The following WDR48 variants were observed in gnomAD, a reference collection of about 807,000 sequenced individuals.
WDR48 encodes WD repeat-containing protein 48.
Under a neutral mutation model 94.0 loss-of-function variants are expected in WDR48, and 22 were observed. The observed-to-expected ratio is 0.23, with a 90% CI of 0.17 to 0.33. The LOEUF is 0.33. Ranked by LOEUF, WDR48 falls within the 10% of genes least tolerant of loss-of-function variation. WDR48 has a pLI of 1.00. For synonymous variants in WDR48, 278 were observed against 280.5 expected (o/e 0.99, Z 0.09); for missense variants, 541 against 813.8 (o/e 0.66, Z 4.08).
chr3:39,091,805 G>A (rs905362631), intron 17 of WDR48, 104 bp downstream of exon 17: 10 of 973,834 alleles, frequency 1.0e-5, no homozygotes, highest in Non-Finnish European at 1.5e-5. Context: ...ATCTAAGGCT[G>A]ATTTTATAAT....
Position 39,095,725 on chromosome 3 carries a change from G to T in WDR48, c.*982G>T, listed in dbSNP as rs2035304495. 1 of 152,634 alleles carries T rather than the reference G, an allele frequency of 6.6e-6. No homozygotes were observed. Among genetic ancestry groups the T allele is most frequent in the African/African-American group, 2.4e-5 (1 of 41,568 alleles). The allele number at this position is 152,634 out of a possible 1,614,324, so 9.5% of individuals were successfully genotyped here. ...TATTTGTTTTTCCAAAGTTTTATAT[G>T]CAGGTTTTTGTTGTACCTGTATCCA... is the stretch of plus-strand genomic sequence containing the variant. On this transcript the variant is annotated 3_prime_UTR_variant, in exon 19 of 19. Transcript: ENST00000302313.
At chr3:39,093,428 A>G (rs923191279) in intron 17 of WDR48, among the ~76,000 whole-genome samples, 1 of 152,166 alleles carries the variant, frequency 6.6e-6, no homozygotes, top group Non-Finnish European at 1.5e-5. Context: ...GCAGTGGCGT[A>G]TCTTGGCTCA....
intron 7 of WDR48, among the ~76,000 whole-genome samples, chr3:39,071,569 A>G (rs953711035): frequency 2.0e-5 from 3 of 152,244 alleles, no homozygotes; most frequent in Non-Finnish European, 4.4e-5. Context: ...TCTATAAAAG[A>G]TGATTTAAGT....
intron 11 of WDR48, among the ~76,000 whole-genome samples, chr3:39,083,527 A>T (rs184165423): frequency 2.1e-4 from 32 of 152,226 alleles, no homozygotes; most frequent in African/African-American, 7.5e-4. Context: ...AGTTAAGGGG[A>T]TTCTGTCAAG....
intron 1 of WDR48, among the ~76,000 whole-genome samples, chr3:39,061,119 CTTCAAG>C (rs1417636270): frequency 1.3e-5 from 2 of 152,066 alleles, no homozygotes; most frequent in African/African-American, 4.8e-5. Context: ...AATTATTATA[CTTCAAG>C]TTCTAGGGTA....
chr3:39,076,485 T>C (rs1482612763), intron 8 of WDR48, among the ~76,000 whole-genome samples: 3 of 152,344 alleles, frequency 2.0e-5, no homozygotes, highest in Non-Finnish European at 2.9e-5. Flanking sequence ...TTATATGTTA[T>C]AAGGAATATC....
chr3:39,072,454 C>T (rs2033993617), intron 7 of WDR48, among the ~76,000 whole-genome samples: 1 of 152,182 alleles, frequency 6.6e-6, no homozygotes, highest in Non-Finnish European at 1.5e-5. Flanking sequence ...ATTGCCCCAG[C>T]TTATGTCGTC....
At chr3:39,069,227 G>A (rs2033790313) in intron 6 of WDR48, among the ~76,000 whole-genome samples, 1 of 152,158 alleles carries the variant, frequency 6.6e-6, no homozygotes. Flanking sequence ...CACCTGCCTT[G>A]GCCTCCCAGA....
intron 17 of WDR48, among the ~76,000 whole-genome samples, chr3:39,092,894 C>G (rs1230876125): frequency 6.6e-6 from 1 of 151,966 alleles, no homozygotes; most frequent in Non-Finnish European, 1.5e-5. Context: ...CACACACACA[C>G]ACACACACAC....
rs545127361 is a variant in WDR48, at chr3:39,052,206, C to T, written c.48+133C>T. On this transcript the variant is annotated intron_variant, in intron 1 of 18. Coordinates refer to ENST00000302313, the MANE Select transcript of WDR48 (RefSeq NM_020839.4). ...GAACGGGGCGGGGCGCGGCCGGCCA[C>T]GAGGGGTGGGGCCGCGGCGCTAACG... The T allele has an allele frequency of 5.3e-4, 586 of 1,101,028 alleles. 3 individuals are homozygous for T. The highest frequency in any genetic ancestry group is 1.3e-3 in the Admixed American group (50 of 39,586). 68.2% of individuals were successfully genotyped at this position (1,101,028 alleles called of 1,614,324 possible).
intron 7 of WDR48, among the ~76,000 whole-genome samples, chr3:39,071,477 G>T (rs2033931480): frequency 6.6e-6 from 1 of 152,174 alleles, no homozygotes; most frequent in Admixed American, 6.5e-5. Flanking sequence ...TCCAGAAGGG[G>T]GCTATGGGCC....
intron 16 of WDR48, chr3:39,091,186 T>C (rs1444643293): frequency 6.5e-6 from 1 of 153,278 alleles, no homozygotes; most frequent in Non-Finnish European, 1.5e-5. Flanking sequence ...AGGACTTTGA[T>C]TGGCCTTTTC....
intron 2 of WDR48, among the ~76,000 whole-genome samples, chr3:39,065,512 A>G (rs112501654): frequency 6.6e-6 from 1 of 151,886 alleles, no homozygotes; most frequent in African/African-American, 2.4e-5. Flanking sequence ...TTTATGTCAC[A>G]CACAGTGCCT....
intron 9 of WDR48, 114 bp downstream of exon 9, chr3:39,077,327 C>A: frequency 9.0e-7 from 1 of 1,110,914 alleles, no homozygotes; most frequent in Non-Finnish European, 1.3e-6. Flanking sequence ...TGCTTTTGGG[C>A]AGGGGCAAAA....
At chr3:39,061,252 C>T (rs1448497603) in intron 1 of WDR48, among the ~76,000 whole-genome samples, 1 of 151,230 alleles carries the variant, frequency 6.6e-6, no homozygotes, top group Non-Finnish European at 1.5e-5. Flanking sequence ...CTCCCCCAGC[C>T]CCCTACCCCC....
At chr3:39,074,995 C>T (rs944601541) in intron 8 of WDR48, 45 bp downstream of exon 8, 11 of 1,576,030 alleles carry the variant, frequency 7.0e-6, no homozygotes, top group Non-Finnish European at 8.7e-6. Context: ...AAGGTTGTTA[C>T]ATGTGTTAGC....
chr3:39,088,350 G>T, intron 15 of WDR48, 117 bp downstream of exon 15: 1 of 1,014,688 alleles, frequency 9.9e-7, no homozygotes, highest in Non-Finnish European at 1.5e-6. Flanking sequence ...TTCTAGGGAT[G>T]CCAGGGATTG....
intron 7 of WDR48, among the ~76,000 whole-genome samples, chr3:39,071,302 C>T (rs953868971): frequency 6.6e-6 from 1 of 152,178 alleles, no homozygotes; most frequent in Non-Finnish European, 1.5e-5. Flanking sequence ...CTAGAGCTCT[C>T]AAGTTCCTTT....
At chr3:39,064,211 A>G (rs1372560737) in intron 2 of WDR48, among the ~76,000 whole-genome samples, 1 of 151,964 alleles carries the variant, frequency 6.6e-6, no homozygotes, top group African/African-American at 2.4e-5. Context: ...TTGCATTTTC[A>G]TATCCAATGT....
Sources: allele counts gnomAD v4.1 joint callset (sites outside exome capture counted in the v4.1 genomes callset), GRCh38; gene constraint gnomAD v4.1.1; transcripts MANE v1.5; gene names NCBI Gene and HGNC (gene_info 2026-07-23, HGNC 2026-07-21).